The following LOC128462377 variants were observed in gnomAD, a reference collection of about 807,000 sequenced individuals.
the LOC128462377 span, among the ~76,000 whole-genome samples, chr16:89,366,759 CT>C: frequency 1.1e-4 from 16 of 152,344 alleles, no homozygotes; most frequent in South Asian, 3.3e-3. Flanking sequence ...TGAATGTGTG[CT>C]ATGGGTACAC....
the LOC128462377 span, among the ~76,000 whole-genome samples, chr16:89,325,448 TC>T: frequency 7.7e-3 from 591 of 76,318 alleles, 2 homozygotes; most frequent in African/African-American, 0.029. Context: ...CTCTCCCCTC[TC>T]CTCTCTCTCT....
chr16:89,350,090 T>C, the LOC128462377 span, among the ~76,000 whole-genome samples: 1 of 152,002 alleles, frequency 6.6e-6, no homozygotes, highest in African/African-American at 2.4e-5. Flanking sequence ...AAAAGCCACA[T>C]GAAAAGACAA....
At chr16:89,345,054 C>T in the LOC128462377 span, among the ~76,000 whole-genome samples, 4 of 152,178 alleles carry the variant, frequency 2.6e-5, no homozygotes, top group East Asian at 5.8e-4. Context: ...CAGGGAAGCC[C>T]AGCTCGGATG....
the LOC128462377 span, among the ~76,000 whole-genome samples, chr16:89,343,459 G>A: frequency 6.6e-6 from 1 of 152,220 alleles, no homozygotes; most frequent in East Asian, 1.9e-4. Flanking sequence ...TTAAAAGCCA[G>A]GGTACACAGG....
the LOC128462377 span, among the ~76,000 whole-genome samples, chr16:89,331,176 A>C: frequency 6.6e-6 from 1 of 151,994 alleles, no homozygotes; most frequent in African/African-American, 2.4e-5. Flanking sequence ...CTGGTCTCGA[A>C]CTCCTGACCT....
At chr16:89,351,268 G>A in the LOC128462377 span, among the ~76,000 whole-genome samples, 2 of 152,144 alleles carry the variant, frequency 1.3e-5, no homozygotes, top group African/African-American at 2.4e-5. Context: ...ATCACCCCAC[G>A]CCCACAGGCC....
the LOC128462377 span, among the ~76,000 whole-genome samples, chr16:89,396,215 G>C: frequency 2.0e-5 from 3 of 152,230 alleles, no homozygotes; most frequent in South Asian, 2.1e-4. Flanking sequence ...GGAAGAGACA[G>C]GTGCTGCTTT....
chr16:89,403,461 G>A, the LOC128462377 span, among the ~76,000 whole-genome samples: 5 of 152,036 alleles, frequency 3.3e-5, no homozygotes, highest in Admixed American at 2.6e-4. Context: ...AGTAAGCGAG[G>A]CCCCGCGCTC....
At chr16:89,343,192 T>C in the LOC128462377 span, among the ~76,000 whole-genome samples, 1 of 152,120 alleles carries the variant, frequency 6.6e-6, no homozygotes, top group Non-Finnish European at 1.5e-5. Context: ...GGTTTCACCA[T>C]GTTGGCCAGG....
the LOC128462377 span, among the ~76,000 whole-genome samples, chr16:89,371,366 G>A: frequency 4.6e-5 from 7 of 152,218 alleles, no homozygotes; most frequent in African/African-American, 1.7e-4. Flanking sequence ...TCTACCATTT[G>A]GTGTCGTTTT....
chr16:89,330,301 G>A, the LOC128462377 span, among the ~76,000 whole-genome samples: 7 of 152,230 alleles, frequency 4.6e-5, no homozygotes, highest in East Asian at 1.9e-4. Context: ...ACAGCACGCA[G>A]CTTCTGGGTG....
the LOC128462377 span, among the ~76,000 whole-genome samples, chr16:89,416,791 A>G: frequency 2.0e-5 from 3 of 151,968 alleles, no homozygotes; most frequent in Non-Finnish European, 4.4e-5. Flanking sequence ...AATTAAAAAA[A>G]GAAAATGCAG....
chr16:89,373,696 T>C, the LOC128462377 span, among the ~76,000 whole-genome samples: 1 of 152,204 alleles, frequency 6.6e-6, no homozygotes, highest in Non-Finnish European at 1.5e-5. Context: ...AAGGAAGACC[T>C]GCAGAAACGC....
chr16:89,392,862 T>G, the LOC128462377 span, among the ~76,000 whole-genome samples: 1 of 151,630 alleles, frequency 6.6e-6, no homozygotes, highest in Admixed American at 6.6e-5. Context: ...CTCCATCAAC[T>G]ACATAAGAAA....
the LOC128462377 span, among the ~76,000 whole-genome samples, chr16:89,356,835 G>A: frequency 6.6e-6 from 1 of 151,724 alleles, no homozygotes; most frequent in African/African-American, 2.4e-5. Flanking sequence ...ACAATTTTGG[G>A]GACCCCAAAA....
chr16:89,350,183 A>G, the LOC128462377 span, among the ~76,000 whole-genome samples: 6 of 152,366 alleles, frequency 3.9e-5, no homozygotes, highest in Non-Finnish European at 8.8e-5. Context: ...GGACTACACC[A>G]TGTAACGGCA....
chr16:89,386,742 G>A, the LOC128462377 span, among the ~76,000 whole-genome samples: 2 of 152,126 alleles, frequency 1.3e-5, no homozygotes, highest in African/African-American at 4.8e-5. Flanking sequence ...ATTGACTGTT[G>A]GATTTCATCA....
the LOC128462377 span, among the ~76,000 whole-genome samples, chr16:89,346,250 G>GAAAA: frequency 6.2e-5 from 6 of 96,846 alleles, no homozygotes; most frequent in African/African-American, 8.1e-5. Context: ...CCCGTCTCAG[G>GAAAA]AAAAAAAAAA....
At chr16:89,398,725 CAGAG>C in the LOC128462377 span, among the ~76,000 whole-genome samples, 8 of 151,796 alleles carry the variant, frequency 5.3e-5, no homozygotes, top group Admixed American at 5.2e-4. Context: ...GCCTCAGTGA[CAGAG>C]AGAGATTGTG....
Sources: gnomAD v4.1 joint callset for allele counts (sites outside exome capture counted in the v4.1 genomes callset) on GRCh38, gnomAD v4.1.1 for gene constraint, MANE v1.5 for transcripts.